PCDH9: variants seen among roughly 807,000 people sequenced by gnomAD.
PCDH9 encodes protocadherin-9.
In PCDH9, 24 loss-of-function variants were observed where a neutral mutation model predicts 70.6. That is an observed-to-expected ratio of 0.34 (90% CI 0.25 to 0.48). PCDH9 has a LOEUF of 0.48. Among genes scored for constraint, PCDH9 ranks in the 20% least tolerant of loss-of-function variants. The pLI is 0.99. For missense variants in PCDH9, 1,281 were observed against 1,503.6 expected (o/e 0.85, Z 2.45); for synonymous variants, 562 against 558.5 (o/e 1.01, Z -0.09).
intron 4 of PCDH9, among the ~76,000 whole-genome samples, chr13:66,372,419 A>G (rs970056281): frequency 8.6e-5 from 13 of 151,804 alleles, no homozygotes; most frequent in Admixed American, 5.9e-4. Flanking sequence ...CAGATGGTGA[A>G]CATCATATAA....
intron 3 of PCDH9, among the ~76,000 whole-genome samples, chr13:66,888,347 T>C (rs900902879): frequency 1.3e-5 from 2 of 151,484 alleles, no homozygotes; most frequent in Middle Eastern, 6.8e-3. Flanking sequence ...ATTTAAAAAA[T>C]AAAAATTAGC....
At chr13:66,947,990 T>G (rs1166108826) in intron 2 of PCDH9, among the ~76,000 whole-genome samples, 1 of 152,114 alleles carries the variant, frequency 6.6e-6, no homozygotes, top group Non-Finnish European at 1.5e-5. Flanking sequence ...GTAGAAAGAA[T>G]TTTTTAAGCA....
intron 4 of PCDH9, among the ~76,000 whole-genome samples, chr13:66,498,125 T>C (rs1319493901): frequency 1.3e-5 from 2 of 151,498 alleles, no homozygotes; most frequent in East Asian, 3.9e-4. Context: ...CAGCCCAAAC[T>C]CTTACTAATT....
intron 2 of PCDH9, among the ~76,000 whole-genome samples, chr13:66,968,896 T>C (rs1216787450): frequency 6.6e-6 from 1 of 152,022 alleles, no homozygotes; most frequent in Admixed American, 6.6e-5. Context: ...AATGACTGAA[T>C]ATCAGTTAAG....
At chr13:67,145,672 G>A (rs2087506150) in intron 2 of PCDH9, among the ~76,000 whole-genome samples, 1 of 151,860 alleles carries the variant, frequency 6.6e-6, no homozygotes, top group Non-Finnish European at 1.5e-5. Context: ...ATAAGTAACA[G>A]AAATCTCTTA....
chr13:66,916,731 C>T (rs145486690), intron 2 of PCDH9, among the ~76,000 whole-genome samples: 518 of 151,604 alleles, frequency 3.4e-3, no homozygotes, highest in Middle Eastern at 0.01. Context: ...AAGCTGATGC[C>T]ATTGTACATA....
chr13:66,989,142 T>A (rs2083951510), intron 2 of PCDH9, among the ~76,000 whole-genome samples: 1 of 151,944 alleles, frequency 6.6e-6, no homozygotes, highest in Non-Finnish European at 1.5e-5. Context: ...CCATGGTGAA[T>A]AAGTATTGGA....
chr13:66,842,896 G>C (rs2081140460), intron 3 of PCDH9, among the ~76,000 whole-genome samples: 1 of 152,166 alleles, frequency 6.6e-6, no homozygotes, highest in African/African-American at 2.4e-5. Context: ...ATCAGGCAGT[G>C]TTTCAAAATT....
At chr13:67,142,602 T>C (rs1239912040) in intron 2 of PCDH9, among the ~76,000 whole-genome samples, 3 of 152,110 alleles carry the variant, frequency 2.0e-5, no homozygotes, top group South Asian at 2.1e-4. Context: ...TGAGAGTGTA[T>C]AGTGGTATTA....
chr13:66,807,095 A>G (rs2080422532), intron 3 of PCDH9, among the ~76,000 whole-genome samples: 1 of 152,188 alleles, frequency 6.6e-6, no homozygotes, highest in Non-Finnish European at 1.5e-5. Context: ...TGCCAGATTT[A>G]CAGTGTTTTT....
chr13:67,011,228 C>G (rs1212710732), intron 2 of PCDH9, among the ~76,000 whole-genome samples: 5 of 151,870 alleles, frequency 3.3e-5, no homozygotes, highest in Non-Finnish European at 7.4e-5. Context: ...TAGGCACACA[C>G]TACATTCAAC....
At chr13:66,388,308 G>A (rs1286060934) in intron 4 of PCDH9, among the ~76,000 whole-genome samples, 22 of 152,048 alleles carry the variant, frequency 1.4e-4, no homozygotes, top group Admixed American at 1.3e-3. Context: ...AATAGAATTC[G>A]TGTACATAGG....
rs1341420445 is a variant in PCDH9, at chr13:67,157,163, A to T, written c.3036+68242T>A. On this transcript the variant is annotated intron_variant, in intron 2 of 4. Transcript: ENST00000377865. ...TAATATTAATTGATGAAATAAATGG[A>T]TAAACACACTCCTTCCTGAGTATGA... is the stretch of plus-strand genomic sequence containing the variant. Among the ~76,000 whole-genome samples the T allele has an allele frequency of 3.3e-5, 5 of 152,332 alleles. No individual in the cohort carries two copies. In the East Asian group the frequency reaches 9.6e-4, roughly 29 times the overall value.
chr13:66,486,337 G>A (rs374322416), intron 4 of PCDH9, among the ~76,000 whole-genome samples: 8 of 152,234 alleles, frequency 5.3e-5, no homozygotes, highest in African/African-American at 1.9e-4. Flanking sequence ...CAGCTCCTGG[G>A]TTGGGAGTGG....
Position 67,146,510 on chromosome 13 carries a change from A to G in PCDH9, c.3036+78895T>C, listed in dbSNP as rs557680485. On this transcript the variant is annotated intron_variant, in intron 2 of 4. Transcript: ENST00000377865. ...TTGTCCTTGGTTTGCTCTGATGGAC[A>G]TTTTGATTCAGGCTTTCTGCCATTA... is the stretch of plus-strand genomic sequence containing the variant. Among the ~76,000 whole-genome samples, 36 of 152,300 alleles carry G rather than the reference A, an allele frequency of 2.4e-4. 2 individuals are homozygous for G. In the South Asian group the frequency reaches 6.8e-3, roughly 29 times the overall value.
intron 3 of PCDH9, among the ~76,000 whole-genome samples, chr13:66,719,316 C>T (rs531581239): frequency 4.1e-4 from 63 of 152,154 alleles, no homozygotes; most frequent in African/African-American, 1.4e-3. Context: ...CTCCAAAATT[C>T]AGGTTGAAAC....
intron 3 of PCDH9, among the ~76,000 whole-genome samples, chr13:66,851,468 A>T (rs2081313111): frequency 6.6e-6 from 1 of 152,162 alleles, no homozygotes; most frequent in South Asian, 2.1e-4. Flanking sequence ...AAAATTTAAG[A>T]GTTAAATTAC....
At chr13:66,782,910 G>T (rs2139302158) in intron 3 of PCDH9, 1 of 152,278 alleles carries the variant, frequency 6.6e-6, no homozygotes, top group Non-Finnish European at 1.5e-5. Context: ...TACAGCTATG[G>T]CTCATTTAAC....
intron 2 of PCDH9, among the ~76,000 whole-genome samples, chr13:67,050,946 A>G (rs1594442878): frequency 6.6e-6 from 1 of 152,306 alleles, no homozygotes; most frequent in Non-Finnish European, 1.5e-5. Flanking sequence ...ACATGTCAAG[A>G]GTTAGTAATA....
Sources: allele counts gnomAD v4.1 joint callset (sites outside exome capture counted in the v4.1 genomes callset), GRCh38; gene constraint gnomAD v4.1.1; transcripts MANE v1.5; gene names NCBI Gene and HGNC (gene_info 2026-07-23, HGNC 2026-07-21).